Variants in DOCK2 observed in about 807,000 individuals in gnomAD.
The protein encoded by DOCK2 is dedicator of cytokinesis protein 2.
Under a neutral mutation model 248.9 loss-of-function variants are expected in DOCK2, and 87 were observed. That is an observed-to-expected ratio of 0.35 (90% CI 0.29 to 0.42). DOCK2 has a LOEUF of 0.42. Among genes scored for constraint, DOCK2 ranks in the 10% least tolerant of loss-of-function variants. The pLI is 1.00. For missense variants in DOCK2, 1,747 were observed against 2,300.2 expected (o/e 0.76, Z 4.92); for synonymous variants, 805 against 821.6 (o/e 0.98, Z 0.35).
At chr5:169,711,041 T>A (rs980699488) in intron 15 of DOCK2, among the ~76,000 whole-genome samples, 2 of 152,184 alleles carry the variant, frequency 1.3e-5, no homozygotes, top group Non-Finnish European at 2.9e-5. Context: ...TTGGCTGCAG[T>A]TACCCATGAG....
chr5:169,741,973 C>A (rs1255640008), intron 22 of DOCK2, among the ~76,000 whole-genome samples: 1 of 151,934 alleles, frequency 6.6e-6, no homozygotes, highest in Non-Finnish European at 1.5e-5. Context: ...CCCTGCCCAG[C>A]TAATTTTTTA....
At chr5:169,776,129 T>C (rs956853371) in intron 25 of DOCK2, among the ~76,000 whole-genome samples, 6 of 145,232 alleles carry the variant, frequency 4.1e-5, no homozygotes, top group African/African-American at 1.5e-4. Flanking sequence ...ATATATGATA[T>C]GATATGAATC....
chr5:170,007,447 G>A (rs1755076770), intron 30 of DOCK2, among the ~76,000 whole-genome samples: 1 of 152,184 alleles, frequency 6.6e-6, no homozygotes, highest in Admixed American at 6.5e-5. Flanking sequence ...AGGCTAGCAA[G>A]GATTTTTGAG....
At chr5:170,015,868 CTCCTT>C (rs1253350802) in intron 32 of DOCK2, among the ~76,000 whole-genome samples, 2 of 150,324 alleles carry the variant, frequency 1.3e-5, no homozygotes, top group Non-Finnish European at 3.0e-5. Flanking sequence ...CCCTCCCTCC[CTCCTT>C]TCTTCCTTCC....
Position 170,067,557 on chromosome 5 carries a change from C to A in DOCK2, c.4515C>A (p.Ala1505=). The A allele has an allele frequency of 6.2e-7, 1 of 1,614,148 alleles. No homozygotes were observed. Among genetic ancestry groups the A allele is most frequent in the South Asian group, 1.1e-5 (1 of 91,076 alleles). Residue 1505 remains alanine (A), a synonymous_variant, in exon 45 of 52, where the codon GCC becomes GCA. Coordinates refer to ENST00000520908, the MANE Select transcript of DOCK2 (RefSeq NM_004946.3). The part of the protein sequence containing the change: ...LENAIETMST[A]NEKILMMINQ... The stretch of plus-strand genomic sequence containing the variant: ...ATGCCATAGAAACCATGTCCACGGC[C>A]AATGAGAAGATCCTGATGATGATAA...
chr5:169,953,820 A>G (rs763878212), intron 27 of DOCK2, among the ~76,000 whole-genome samples: 2 of 152,226 alleles, frequency 1.3e-5, no homozygotes, highest in Non-Finnish European at 2.9e-5. Flanking sequence ...GGCTAAGAGC[A>G]TGAGCCCTGG....
chr5:169,981,035 T>C (rs1777920595), intron 27 of DOCK2, among the ~76,000 whole-genome samples: 1 of 152,190 alleles, frequency 6.6e-6, no homozygotes, highest in South Asian at 2.1e-4. Flanking sequence ...TTCGTAGTCA[T>C]GACAGACCCC....
chr5:169,988,311 C>T lies in DOCK2; in HGVS notation c.2993+2389C>T, dbSNP rs1778121723. Among the ~76,000 whole-genome samples, 3 of 152,042 alleles carry T rather than the reference C, an allele frequency of 2.0e-5. No homozygotes were observed. The South Asian group carries it at 6.2e-4, about 32-fold the overall frequency. On this transcript the variant is annotated intron_variant, in intron 29 of 51. Transcript: ENST00000520908. ...CCGAGATCCATCACTGTTGCAAAGG[C>T]TTTACATGAAATTAGTTCATTTAAT... is the stretch of plus-strand genomic sequence containing the variant.
At chr5:169,927,199 C>T (rs1775503541) in intron 27 of DOCK2, among the ~76,000 whole-genome samples, 1 of 152,076 alleles carries the variant, frequency 6.6e-6, no homozygotes, top group Non-Finnish European at 1.5e-5. Flanking sequence ...AAAAAAGGCC[C>T]CTGGCTGGAG....
intron 29 of DOCK2, among the ~76,000 whole-genome samples, chr5:169,994,858 G>A (rs1754543508): frequency 6.6e-6 from 1 of 152,088 alleles, no homozygotes; most frequent in Admixed American, 6.5e-5. Flanking sequence ...GTCCTTTAGG[G>A]GAAGGAGCTT....
chr5:170,025,832 C>CTTCCTTCCTTCT (rs1561886516), intron 33 of DOCK2, among the ~76,000 whole-genome samples: 3 of 124,976 alleles, frequency 2.4e-5, no homozygotes, highest in Non-Finnish European at 5.0e-5. Context: ...TCCTTCCTTC[C>CTTCCTTCCTTCT]TTCCTTCCTT....
intron 8 of DOCK2, among the ~76,000 whole-genome samples, chr5:169,686,149 C>T (rs1203778013): frequency 1.3e-5 from 2 of 152,178 alleles, no homozygotes; most frequent in Admixed American, 1.3e-4. Context: ...TTGCTGTTCC[C>T]TGTCAGTTAC....
At chr5:169,917,990 C>T (rs865964534) in intron 27 of DOCK2, among the ~76,000 whole-genome samples, 29 of 152,284 alleles carry the variant, frequency 1.9e-4, no homozygotes, top group Middle Eastern at 6.8e-3. Context: ...TGTGTGTTCT[C>T]GTTACAGAAT....
chr5:169,642,320 C>T (rs2113092004), intron 1 of DOCK2, among the ~76,000 whole-genome samples: 1 of 152,126 alleles, frequency 6.6e-6, no homozygotes, highest in East Asian at 1.9e-4. Flanking sequence ...CCAATATGGC[C>T]CCTATCCTTC....
At chr5:169,888,630 G>T (rs962342932) in intron 27 of DOCK2, among the ~76,000 whole-genome samples, 13 of 152,220 alleles carry the variant, frequency 8.5e-5, no homozygotes, top group African/African-American at 3.1e-4. Flanking sequence ...ACAGTGAGGG[G>T]TTAAGTGCAT....
At chr5:169,648,410 T>A (rs1757599092) in intron 1 of DOCK2, among the ~76,000 whole-genome samples, 1 of 152,180 alleles carries the variant, frequency 6.6e-6, no homozygotes, top group African/African-American at 2.4e-5. Flanking sequence ...ATCCTAACTT[T>A]CGTCTTGTCG....
chr5:169,730,365 C>A (rs559778186), intron 22 of DOCK2, among the ~76,000 whole-genome samples: 6 of 152,270 alleles, frequency 3.9e-5, no homozygotes, highest in Admixed American at 2.0e-4. Context: ...CAGGGTGAAG[C>A]TTTTCAGAAA....
chr5:169,674,210 A>G, intron 5 of DOCK2, 87 bp from the exon 6 acceptor site: 2 of 1,539,054 alleles, frequency 1.3e-6, no homozygotes, highest in South Asian at 1.2e-5. Context: ...GCCCTTGACC[A>G]CACTCACCTG....
chr5:169,720,674 T>G (rs11954683), intron 22 of DOCK2, among the ~76,000 whole-genome samples: 4,944 of 152,270 alleles, frequency 0.032, 98 homozygotes, highest in African/African-American at 0.044. Flanking sequence ...GGAAGGCACA[T>G]GGAGATGAGA....
Sources: allele counts gnomAD v4.1 joint callset (sites outside exome capture counted in the v4.1 genomes callset), GRCh38; gene constraint gnomAD v4.1.1; transcripts MANE v1.5; gene names NCBI Gene and HGNC (gene_info 2026-07-23, HGNC 2026-07-21).